Variants in PRKG1 observed in about 807,000 individuals in gnomAD.
PRKG1 encodes cGMP-dependent protein kinase 1.
A neutral mutation model predicts 88.1 loss-of-function variants in PRKG1; 35 were observed. The ratio of observed to expected loss-of-function variants is 0.40; its 90% CI spans 0.30 to 0.53. PRKG1 has a LOEUF of 0.53. PRKG1 is among the 20% of genes least tolerant of loss of function. PRKG1 has a pLI of 0.59. For missense variants in PRKG1, 540 were observed against 839.8 expected (o/e 0.64, Z 4.41); for synonymous variants, 303 against 292.5 (o/e 1.04, Z -0.37).
chr10:51,312,940 G>A (rs1022485413), intron 2 of PRKG1, among the ~76,000 whole-genome samples: 1 of 152,120 alleles, frequency 6.6e-6, no homozygotes, highest in Non-Finnish European at 1.5e-5. Flanking sequence ...CATTCCTTTA[G>A]CAGTTGGTAA....
chr10:52,111,251 T>A (rs541885608), intron 7 of PRKG1, among the ~76,000 whole-genome samples: 340 of 152,308 alleles, frequency 2.2e-3, no homozygotes, highest in African/African-American at 7.9e-3. Flanking sequence ...CAATTTCACA[T>A]ACATCTTCTT....
At chr10:51,042,037 T>G (rs889526131) in intron 1 of PRKG1, among the ~76,000 whole-genome samples, 4 of 152,114 alleles carry the variant, frequency 2.6e-5, no homozygotes, top group Non-Finnish European at 4.4e-5. Context: ...CAAAGTAAAA[T>G]GGAGGAGGTA....
chr10:51,195,399 A>G (rs938441196), intron 2 of PRKG1, among the ~76,000 whole-genome samples: 2 of 152,214 alleles, frequency 1.3e-5, no homozygotes, highest in South Asian at 4.1e-4. Flanking sequence ...GTTTAAAATA[A>G]TCAAACAAAT....
intron 3 of PRKG1, among the ~76,000 whole-genome samples, chr10:51,770,996 C>T (rs760180305): frequency 6.6e-6 from 1 of 152,066 alleles, no homozygotes; most frequent in African/African-American, 2.4e-5. Context: ...CCTGCTACAC[C>T]CCTAGGCTTT....
chr10:51,771,724 G>C (rs770453000), intron 3 of PRKG1, among the ~76,000 whole-genome samples: 3 of 152,110 alleles, frequency 2.0e-5, no homozygotes, highest in Non-Finnish European at 4.4e-5. Context: ...TGAACAAACT[G>C]TTATCACATA....
chr10:51,522,601 G>A (rs1159989138), intron 3 of PRKG1, among the ~76,000 whole-genome samples: 2 of 152,090 alleles, frequency 1.3e-5, no homozygotes, highest in Non-Finnish European at 2.9e-5. Flanking sequence ...GGACAGTGAG[G>A]GGTGTATGTG....
intron 2 of PRKG1, among the ~76,000 whole-genome samples, chr10:51,288,391 G>A (rs967931566): frequency 2.0e-5 from 3 of 152,162 alleles, no homozygotes; most frequent in African/African-American, 7.2e-5. Flanking sequence ...AATTTCCAAG[G>A]CCTGATTTTA....
At chr10:51,196,387 T>C (rs929922306) in intron 2 of PRKG1, among the ~76,000 whole-genome samples, 2 of 152,190 alleles carry the variant, frequency 1.3e-5, no homozygotes, top group African/African-American at 4.8e-5. Flanking sequence ...AACATGTACA[T>C]TTCTTATTAC....
rs1837212223 is a variant in PRKG1, at chr10:51,176,992, G to A, written c.478+23662G>A. Among the ~76,000 whole-genome samples, 3 of 152,244 alleles carry A rather than the reference G, an allele frequency of 2.0e-5. No individual in the cohort carries two copies. The South Asian group carries it at 6.2e-4, about 32-fold the overall frequency. ...AATAAGTCATTTTTTTAAGAGTGAA[G>A]ACATAAAAGAAAACAGAAATCTGAA... is the stretch of plus-strand genomic sequence containing the variant. On this transcript the variant is annotated intron_variant, in intron 2 of 17. Coordinates refer to ENST00000373980, the MANE Select transcript of PRKG1 (RefSeq NM_006258.4).
chr10:51,446,941 G>A (rs1004201467), intron 2 of PRKG1, among the ~76,000 whole-genome samples: 1 of 152,022 alleles, frequency 6.6e-6, no homozygotes, highest in South Asian at 2.1e-4. Flanking sequence ...CCATGATAAA[G>A]AGAAAAGCCT....
At chr10:52,250,835 T>C (rs1449468670) in intron 9 of PRKG1, among the ~76,000 whole-genome samples, 3 of 152,184 alleles carry the variant, frequency 2.0e-5, no homozygotes, top group Admixed American at 6.6e-5. Flanking sequence ...CATGTGTGCA[T>C]AGTTAGACTT....
intron 2 of PRKG1, among the ~76,000 whole-genome samples, chr10:51,417,870 A>G (rs577026457): frequency 6.6e-6 from 1 of 152,274 alleles, no homozygotes; most frequent in African/African-American, 2.4e-5. Flanking sequence ...TGAGACTTGG[A>G]AAATATTAGC....
chr10:52,257,574 C>G (rs1415040870), intron 10 of PRKG1, among the ~76,000 whole-genome samples: 1 of 139,580 alleles, frequency 7.2e-6, no homozygotes, highest in Non-Finnish European at 1.6e-5. Flanking sequence ...ACATCGGACA[C>G]CTGGGGAAAC....
chr10:52,157,459 C>A (rs1354586043), intron 8 of PRKG1, among the ~76,000 whole-genome samples: 1 of 150,794 alleles, frequency 6.6e-6, no homozygotes, highest in Non-Finnish European at 1.5e-5. Context: ...AAGACCATTT[C>A]TGTCTAGATG....
At chr10:51,422,550 T>C (rs1838447192) in intron 2 of PRKG1, among the ~76,000 whole-genome samples, 1 of 152,150 alleles carries the variant, frequency 6.6e-6, no homozygotes, top group African/African-American at 2.4e-5. Flanking sequence ...CTTGGGGGAC[T>C]CTTCACATAC....
At chr10:52,286,648 CTCA>C (rs1842122685) in intron 14 of PRKG1, among the ~76,000 whole-genome samples, 1 of 151,716 alleles carries the variant, frequency 6.6e-6, no homozygotes, top group South Asian at 2.1e-4. Context: ...ATACTTATTT[CTCA>C]TCATTAATAA....
chr10:51,727,298 A>ATTTT (rs1396609042), intron 3 of PRKG1, among the ~76,000 whole-genome samples: 3 of 147,146 alleles, frequency 2.0e-5, no homozygotes, highest in African/African-American at 7.7e-5. Context: ...ATATATATAT[A>ATTTT]TATTTTTTTT....
At chr10:51,838,720 A>G (rs1462721149) in intron 4 of PRKG1, among the ~76,000 whole-genome samples, 1 of 152,110 alleles carries the variant, frequency 6.6e-6, no homozygotes, top group East Asian at 1.9e-4. Flanking sequence ...TGGAAAGCTT[A>G]AGTTTGAAAG....
At chr10:51,799,725 C>A (rs1170911306) in intron 3 of PRKG1, among the ~76,000 whole-genome samples, 1 of 151,916 alleles carries the variant, frequency 6.6e-6, no homozygotes, top group African/African-American at 2.4e-5. Flanking sequence ...GGACACAGAC[C>A]AGCTAAGTAC....
Sources: allele counts gnomAD v4.1 joint callset (sites outside exome capture counted in the v4.1 genomes callset), GRCh38; gene constraint gnomAD v4.1.1; transcripts MANE v1.5; gene names NCBI Gene and HGNC (gene_info 2026-07-23, HGNC 2026-07-21).